The following MREG variants were observed in gnomAD, a reference collection of about 807,000 sequenced individuals.
The protein encoded by MREG is melanoregulin, also known as dilute suppressor protein homolog.
In MREG, 31 loss-of-function variants were observed where a neutral mutation model predicts 28.5. The observed-to-expected ratio is 1.09, with a 90% confidence interval of 0.82 to 1.47. MREG has a LOEUF of 1.47. Among genes scored for constraint, MREG ranks in the 40% most tolerant of loss-of-function variants. The probability of loss-of-function intolerance (pLI) is 0.00; values close to 1 mark genes in which losing one functional copy is unlikely to be tolerated. For synonymous variants in MREG, 106 were observed against 95.2 expected, an observed-to-expected ratio of 1.11 and a Z score of -0.66; for missense variants, 256 against 257.4, an observed-to-expected ratio of 0.99 and a Z score of 0.04.
intron 2 of MREG, among the ~76,000 whole-genome samples, chr2:215,980,512 C>T (rs61458459): frequency 0.11 from 17,270 of 152,244 alleles, 1,297 homozygotes; most frequent in East Asian, 0.39. Context: ...GTTTACATCC[C>T]TCAGGATGAT....
intron 1 of MREG, among the ~76,000 whole-genome samples, chr2:216,028,875 T>TTA (rs1316962230): frequency 1.3e-5 from 2 of 151,972 alleles, no homozygotes; most frequent in Non-Finnish European, 2.9e-5. Context: ...AAAATTTATG[T>TTA]TATATATATT....
upstream of MREG, among the ~76,000 whole-genome samples, chr2:216,015,277 G>A (rs767878792): frequency 6.6e-6 from 1 of 152,136 alleles, no homozygotes; most frequent in Non-Finnish European, 1.5e-5. Flanking sequence ...CTGAGACTGT[G>A]ACATGTAAGA....
At chr2:215,998,738 G>C (rs1005303398) in intron 1 of MREG, among the ~76,000 whole-genome samples, 8 of 151,624 alleles carry the variant, frequency 5.3e-5, no homozygotes, top group Non-Finnish European at 1.2e-4. Context: ...GAACTTTTAT[G>C]AGCATGTCAA....
At chr2:215,992,951 G>A (rs946292382) in intron 2 of MREG, among the ~76,000 whole-genome samples, 3 of 152,156 alleles carry the variant, frequency 2.0e-5, no homozygotes, top group Non-Finnish European at 4.4e-5. Context: ...CATGCTCATG[G>A]ATAGGAAAAA....
chr2:215,996,278 G>A (rs112178264), intron 2 of MREG, 28 bp downstream of exon 2: 76 of 1,602,562 alleles, frequency 4.7e-5, no homozygotes, highest in East Asian at 4.5e-4. Flanking sequence ...CATCATCCGC[G>A]CACAGCAAGA....
At chr2:216,031,619 A>C (rs1694702028) in intron 1 of MREG, among the ~76,000 whole-genome samples, 1 of 149,486 alleles carries the variant, frequency 6.7e-6, no homozygotes, top group Non-Finnish European at 1.5e-5. Flanking sequence ...AAGAAAAGAA[A>C]GAAAGGAACA....
At chr2:215,967,751 A>T (rs1282733225) in intron 2 of MREG, among the ~76,000 whole-genome samples, 3 of 152,196 alleles carry the variant, frequency 2.0e-5, no homozygotes, top group African/African-American at 7.2e-5. Flanking sequence ...AGCCATAGTC[A>T]GTATGTAACC....
At chr2:215,966,066 T>A (rs114025110) in intron 2 of MREG, among the ~76,000 whole-genome samples, 2,086 of 152,196 alleles carry the variant, frequency 0.014, 25 homozygotes, top group South Asian at 0.026. Context: ...CAAATGGAGT[T>A]CTTTTAAAAC....
chr2:216,001,120 CCT>C (rs921691997), intron 1 of MREG, among the ~76,000 whole-genome samples: 2 of 152,060 alleles, frequency 1.3e-5, no homozygotes, highest in South Asian at 2.1e-4. Flanking sequence ...CTCTGTCTTT[CCT>C]CTCTTTTTCT....
At chr2:216,024,449 C>CAA (rs1339652646) in intron 1 of MREG, among the ~76,000 whole-genome samples, 16 of 138,894 alleles carry the variant, frequency 1.2e-4, no homozygotes, top group Admixed American at 3.6e-4. Context: ...GACTCAGTCT[C>CAA]AAAAAAAAAA....
chr2:215,993,688 A>G (rs1426538404), intron 2 of MREG, among the ~76,000 whole-genome samples: 3 of 152,240 alleles, frequency 2.0e-5, no homozygotes, highest in African/African-American at 7.2e-5. Context: ...GCTAATATCC[A>G]GAATCTACAA....
chr2:215,963,289 G>A (rs894697544), intron 2 of MREG, among the ~76,000 whole-genome samples: 4 of 151,674 alleles, frequency 2.6e-5, no homozygotes, highest in African/African-American at 7.3e-5. Flanking sequence ...TGAAAACCCC[G>A]CCTCTACCAA....
chr2:215,990,021 A>G (rs1693681128), intron 2 of MREG, among the ~76,000 whole-genome samples: 1 of 152,180 alleles, frequency 6.6e-6, no homozygotes, highest in South Asian at 2.1e-4. Context: ...ACAGGCCAAC[A>G]TTCAAATTCA....
chr2:215,945,474 G>C lies in MREG; in HGVS notation c.510+97C>G, dbSNP rs1034381645. ...AGCATCTGCCACCTCATATGTGATA[G>C]TGATGGTGGTGTTGGAATACGGAGG... On this transcript the variant is annotated intron_variant, in intron 4 of 4. Transcript: ENST00000263268. 4.3e-6 allele frequency: 6 copies of C among 1,404,398 alleles called. No homozygotes were observed. The African/African-American group carries it at 8.6e-5, about 20-fold the overall frequency. The allele number at this position is 1,404,398 out of a possible 1,614,324, so 87.0% of individuals were successfully genotyped here. A position where few individuals can be genotyped will look rare whatever the true frequency, so the allele number is the denominator to read the frequency against.
At position 215,943,666 on chromosome 2, in the gene MREG, C is replaced by A; in HGVS notation, c.*1197G>T. ...ACCATCGTGGCTAACATGGTGAAAC[C>A]CCGTCTCTACTAAAAATACAAAAAA... On this transcript the variant is annotated 3_prime_UTR_variant, in exon 5 of 5. Coordinates refer to ENST00000263268, the MANE Select transcript of MREG (RefSeq NM_018000.3). 1 of 354,106 alleles carries A rather than the reference C, an allele frequency of 2.8e-6. No individual in the cohort carries two copies. Among genetic ancestry groups the A allele is most frequent in the Non-Finnish European group, 5.6e-6 (1 of 179,638 alleles). The allele number at this position is 354,106 out of a possible 1,614,324, so 21.9% of individuals were successfully genotyped here.
intron 1 of MREG, among the ~76,000 whole-genome samples, chr2:216,012,193 G>A (rs1694331116): frequency 6.6e-6 from 1 of 152,168 alleles, no homozygotes. Context: ...GAGGAGCAAG[G>A]ATAAAGGTCA....
chr2:215,943,557 C>T lies in MREG; in HGVS notation c.*1306G>A, dbSNP rs1049548618. ...GCTATTCCAGATAAAATGCCAAGGG[C>T]TTGGCCGGGCGCGGTGACTCACGCC... On this transcript the variant is annotated 3_prime_UTR_variant, in exon 5 of 5. Transcript: ENST00000263268. 1.3e-5 allele frequency: 6 copies of T among 454,190 alleles called. No individual in the cohort carries two copies. Among genetic ancestry groups the T allele is most frequent in the Admixed American group, 2.4e-5 (1 of 42,464 alleles). The allele number at this position is 454,190 out of a possible 1,614,324, so 28.1% of individuals were successfully genotyped here.
chr2:216,002,528 A>G (rs1008978740), intron 1 of MREG, among the ~76,000 whole-genome samples: 1 of 152,210 alleles, frequency 6.6e-6, no homozygotes, highest in Non-Finnish European at 1.5e-5. Flanking sequence ...GAAACTCTGA[A>G]AACAGCAAAG....
chr2:216,031,473 A>G lies in MREG; in HGVS notation c.-68+1316T>C, dbSNP rs376245988. ...AAAGAAAGAGAGAAAGAAAGAAAGAAAGAGAAAGAAAGAAAGAAAGAGAAA... is the reference window on the plus strand; with the variant it reads ...AAAGAAAGAGAGAAAGAAAGAAAGAGAGAGAAAGAAAGAAAGAAAGAGAAA... On this transcript the variant is annotated intron_variant, in intron 1 of 3. Transcript: ENST00000420348. Among the ~76,000 whole-genome samples, 105 of 110,652 alleles carry G rather than the reference A, an allele frequency of 9.5e-4. 1 individual carries two copies. The South Asian group carries it at 9.7e-3, about 10-fold the overall frequency. 72.6% of individuals were successfully genotyped at this position (110,652 alleles called of 152,430 possible). A position where few individuals can be genotyped will look rare whatever the true frequency, so the allele number is the denominator to read the frequency against.
Sources: allele counts gnomAD v4.1 joint callset (sites outside exome capture counted in the v4.1 genomes callset), GRCh38; gene constraint gnomAD v4.1.1; transcripts MANE v1.5; gene names NCBI Gene and HGNC (gene_info 2026-07-23, HGNC 2026-07-21).